Variants in USP10 observed in about 807,000 individuals in gnomAD.
USP10 encodes ubiquitin specific peptidase 10, also known as ubiquitin carboxyl-terminal hydrolase 10.
USP10 carries 22 observed loss-of-function variants against 84.5 expected under a neutral mutation model. The observed-to-expected ratio is 0.26, with a 90% CI of 0.19 to 0.37. The LOEUF is 0.37. Ranked by LOEUF, USP10 falls within the 10% of genes least tolerant of loss-of-function variation. The probability of loss-of-function intolerance (pLI) is 1.00; values close to 1 mark genes in which losing one functional copy is unlikely to be tolerated. For missense variants in USP10, 1,019 were observed against 998.9 expected (o/e 1.02, Z -0.27); for synonymous variants, 454 against 387.6 (o/e 1.17, Z -2.01).
chr16:84,732,850 A>G (rs943870042), intron 1 of USP10, among the ~76,000 whole-genome samples: 3 of 152,206 alleles, frequency 2.0e-5, no homozygotes, highest in Non-Finnish European at 4.4e-5. Context: ...AGAAAATCAC[A>G]TTCTGAATTC....
At chr16:84,760,419 A>G (rs1270267403) in intron 8 of USP10, 144 bp downstream of exon 8, 2 of 688,898 alleles carry the variant, frequency 2.9e-6, no homozygotes, top group African/African-American at 3.6e-5. Flanking sequence ...TGCTTGGATG[A>G]TATGGTGCAC....
At chr16:84,757,977 A>AG (rs752066675) in intron 4 of USP10, among the ~76,000 whole-genome samples, 1 of 152,204 alleles carries the variant, frequency 6.6e-6, no homozygotes, top group Non-Finnish European at 1.5e-5. Context: ...ATAGTGGGAC[A>AG]GGGGGAGACC....
At chr16:84,747,437 C>T (rs1020616833) in intron 4 of USP10, among the ~76,000 whole-genome samples, 2 of 151,824 alleles carry the variant, frequency 1.3e-5, no homozygotes, top group African/African-American at 4.8e-5. Flanking sequence ...TATTTTATTC[C>T]TTATACAAAA....
chr16:84,741,568 G>A (rs1272382686), intron 3 of USP10, among the ~76,000 whole-genome samples: 1 of 152,150 alleles, frequency 6.6e-6, no homozygotes, highest in Non-Finnish European at 1.5e-5. Flanking sequence ...CCCAGCCTCT[G>A]GAGTTCTGCT....
At chr16:84,762,705 G>T (rs925323035) in intron 8 of USP10, among the ~76,000 whole-genome samples, 1 of 147,450 alleles carries the variant, frequency 6.8e-6, no homozygotes, top group African/African-American at 2.5e-5. Flanking sequence ...AAAAAAAAAA[G>T]TATATTTATT....
intron 1 of USP10, among the ~76,000 whole-genome samples, chr16:84,715,696 A>C (rs1906925414): frequency 6.6e-6 from 1 of 152,122 alleles, no homozygotes; most frequent in South Asian, 2.1e-4. Flanking sequence ...TTACACCATA[A>C]ACTAGAGATT....
chr16:84,735,091 A>G (rs577950800), intron 2 of USP10, among the ~76,000 whole-genome samples: 130 of 151,806 alleles, frequency 8.6e-4, no homozygotes, highest in African/African-American at 2.9e-3. Context: ...GCAGAGTGCA[A>G]TCACAATTCA....
rs757230128 is a variant in USP10 at position 84,768,272 on chromosome 16, G to C, written c.1912G>C (p.Asp638His). 1 of 1,607,126 alleles carries C rather than the reference G, an allele frequency of 6.2e-7. No individual in the cohort carries two copies. Among genetic ancestry groups the C allele is most frequent in the Non-Finnish European group, 8.5e-7 (1 of 1,176,538 alleles). The change falls in exon 11 of 14, where the codon GAC becomes CAC. Residue 638 changes from aspartate (D) to histidine (H), a missense_variant. This residue lies in a region of USP10 where 232 missense variants were observed against 290.1 expected (regional missense o/e 0.80). Transcript: ENST00000219473. ...CACGTTGCAGTTGGATATCCAGTCA[G>C]ACAAGATACGCACAGTCCAGGATGC... is the stretch of plus-strand genomic sequence containing the variant. ...FFTLQLDIQS[D>H]KIRTVQDALE... is the part of the protein sequence containing the mutation.
At chr16:84,737,830 C>T (rs1910126996) in intron 2 of USP10, among the ~76,000 whole-genome samples, 1 of 152,258 alleles carries the variant, frequency 6.6e-6, no homozygotes, top group African/African-American at 2.4e-5. Context: ...CTGGCACACC[C>T]TGAGTGCCCA....
intron 2 of USP10, among the ~76,000 whole-genome samples, chr16:84,738,919 C>G (rs552034302): frequency 3.3e-4 from 50 of 152,318 alleles, no homozygotes; most frequent in African/African-American, 1.2e-3. Context: ...ACTTTGCGGC[C>G]CTAGGGCCGT....
intron 12 of USP10, among the ~76,000 whole-genome samples, chr16:84,773,142 C>G (rs1026204705): frequency 6.6e-6 from 1 of 152,202 alleles, no homozygotes; most frequent in Admixed American, 6.5e-5. Flanking sequence ...AGCCTCAAGT[C>G]TCTGTCAGGT....
intron 1 of USP10, among the ~76,000 whole-genome samples, chr16:84,709,895 C>T (rs1328376367): frequency 1.3e-5 from 2 of 151,954 alleles, no homozygotes; most frequent in Non-Finnish European, 2.9e-5. Flanking sequence ...AAGTGGTTAG[C>T]CGGGAGTCTG....
intron 3 of USP10, among the ~76,000 whole-genome samples, chr16:84,743,715 C>T (rs1327474735): frequency 6.6e-6 from 1 of 152,154 alleles, no homozygotes; most frequent in Non-Finnish European, 1.5e-5. Flanking sequence ...ACAATTGATT[C>T]TAAAACTTAA....
At chr16:84,700,255 C>A in intron 1 of USP10, 144 bp downstream of exon 1, 1 of 644,622 alleles carries the variant, frequency 1.6e-6, no homozygotes, top group Non-Finnish European at 2.0e-6. Flanking sequence ...GGGCCTAGGC[C>A]GGAGCCACCC....
chr16:84,714,627 A>G (rs1008025887), intron 1 of USP10, among the ~76,000 whole-genome samples: 2 of 152,068 alleles, frequency 1.3e-5, no homozygotes, highest in South Asian at 2.1e-4. Context: ...TAGTTTATGC[A>G]TACTAAAAAT....
intron 1 of USP10, chr16:84,716,111 T>A (rs1224700302): frequency 6.6e-6 from 1 of 152,306 alleles, no homozygotes; most frequent in Non-Finnish European, 1.5e-5. Context: ...GGGTGACTAC[T>A]ATCCCACAGG....
intron 1 of USP10, among the ~76,000 whole-genome samples, chr16:84,713,475 C>T (rs951369032): frequency 2.6e-5 from 4 of 152,102 alleles, no homozygotes; most frequent in South Asian, 2.1e-4. Context: ...GCTATCCTGA[C>T]GTGTGTGTCT....
Position 84,740,383 on chromosome 16 carries a change from C to G in USP10, c.151+14C>G. 1 of 1,609,672 alleles carries G rather than the reference C, an allele frequency of 6.2e-7. No individual in the cohort carries two copies. Among genetic ancestry groups the G allele is most frequent in the Non-Finnish European group, 8.5e-7 (1 of 1,176,970 alleles). ...AACTACCTGATGGTAAGCTAGTTCT[C>G]TCCTTATTTCCCTGAAGGGAATTTG... is the stretch of plus-strand genomic sequence containing the variant. On this transcript the variant is annotated intron_variant, in intron 3 of 13. Coordinates refer to ENST00000219473, the MANE Select transcript of USP10 (RefSeq NM_005153.3).
chr16:84,735,736 A>T (rs1397173884), intron 2 of USP10, among the ~76,000 whole-genome samples: 1 of 152,108 alleles, frequency 6.6e-6, no homozygotes, highest in African/African-American at 2.4e-5. Flanking sequence ...CAGAACTCGT[A>T]GTGTGTGTGG....
Sources: allele counts gnomAD v4.1 joint callset (sites outside exome capture counted in the v4.1 genomes callset), GRCh38; gene constraint gnomAD v4.1.1; regional missense constraint gnomAD v4.1.1; transcripts MANE v1.5; gene names NCBI Gene and HGNC (gene_info 2026-07-23, HGNC 2026-07-21).